The following ZRSR2 variants were observed in gnomAD, a reference collection of about 807,000 sequenced individuals.
ZRSR2 encodes the protein zinc finger CCCH-type, RNA binding motif and serine/arginine rich 2, also known as U2 small nuclear ribonucleoprotein auxiliary factor 35 kDa subunit-related protein 2.
A neutral mutation model predicts 39.4 loss-of-function variants in ZRSR2; 3 were observed. That is an observed-to-expected ratio of 0.08 (90% CI 0.03 to 0.20). The LOEUF (loss-of-function observed/expected upper bound fraction) is 0.20, where lower values mean the gene tolerates loss of function less well. Among genes scored for constraint, ZRSR2 ranks in the 10% least tolerant of loss-of-function variants. ZRSR2 has a pLI of 1.00. For synonymous variants in ZRSR2, 137 were observed against 136.0 expected (o/e 1.01, Z -0.05); for missense variants, 256 against 391.5 (o/e 0.65, Z 2.92).
intron 5 of ZRSR2, among the ~76,000 whole-genome samples, chrX:15,806,487 C>T (rs922758818): frequency 2.7e-5 from 3 of 111,170 alleles, no homozygotes; most frequent in South Asian, 3.8e-4. Context: ...AGTGCAGTGG[C>T]GTGATCTCTG....
At chrX:15,813,114 G>T (rs751452486) in intron 7 of ZRSR2, among the ~76,000 whole-genome samples, 6 of 112,178 alleles carry the variant, frequency 5.3e-5, no homozygotes, top group Non-Finnish European at 9.4e-5. Context: ...GCACTTCCCT[G>T]AGAAGAAGAA....
At chrX:15,816,452 T>C (rs1028082419) in intron 8 of ZRSR2, among the ~76,000 whole-genome samples, 3 of 112,283 alleles carry the variant, frequency 2.7e-5, no homozygotes, top group Admixed American at 1.9e-4. Context: ...TTTTTATTCA[T>C]TGGATTCTTT....
At chrX:15,818,535 G>T in intron 8 of ZRSR2, 52 bp from the exon 9 acceptor site, 4 of 1,068,344 alleles carry the variant, frequency 3.7e-6, no homozygotes, top group Non-Finnish European at 5.2e-6. Context: ...TTGATGAATG[G>T]CTGGTTTCTT....
At chrX:15,806,673 C>T (rs768338899) in intron 5 of ZRSR2, among the ~76,000 whole-genome samples, 7 of 108,862 alleles carry the variant, frequency 6.4e-5, no homozygotes, top group African/African-American at 2.0e-4. Flanking sequence ...GGGATCCACC[C>T]GCCTCGGCCT....
At position 15,823,132 on chromosome X, in the gene ZRSR2, A is replaced by AGCCGCAGGAGCC; in HGVS notation, c.1347_1358dup (p.Arg449_Arg452dup). On this transcript the variant is annotated inframe_insertion, in exon 11 of 11. Transcript: ENST00000307771. ...CAGCCGGAGCCGGAGCCGGAGCCGG[A>AGCCGCAGGAGCC]GCCGCAGGAGCCGCCGCAGCCGGAG... 5 of 1,205,383 alleles carry AGCCGCAGGAGCC rather than the reference A, an allele frequency of 4.1e-6. No individual in the cohort carries two copies. The highest frequency in any genetic ancestry group is 5.6e-6 in the Non-Finnish European group (5 of 892,781).
Position 15,823,117 on chromosome X carries a change from C to T in ZRSR2, c.1324C>T (p.Arg442Trp), listed in dbSNP as rs746842789. The change falls in exon 11 of 11, where the codon CGG becomes TGG. Residue 442 changes from arginine (R) to tryptophan (W), a missense_variant. Physicochemically the swap from Arg to Trp is moderately radical, Grantham distance 101 (BLOSUM62 -3). Around this residue, in one of 3 missense-constraint regions of ZRSR2, gnomAD observed 111 missense variants for 116.7 expected, o/e 0.95. Transcript: ENST00000307771. ...DRSRGRGSRSRSRSRSRRSRR... is the reference protein window; with the variant it reads ...DRSRGRGSRSWSRSRSRRSRR... ...CAGCCGGGGCCGGGGCAGCCGGAGC[C>T]GGAGCCGGAGCCGGAGCCGCAGGAG... is the stretch of plus-strand genomic sequence containing the variant. 5.8e-6 allele frequency: 7 copies of T among 1,202,654 alleles called. No individual in the cohort carries two copies. The South Asian group carries it at 7.1e-5, about 12-fold the overall frequency.
intron 2 of ZRSR2, among the ~76,000 whole-genome samples, chrX:15,792,204 C>T (rs1191827563): frequency 8.9e-6 from 1 of 112,051 alleles, no homozygotes; most frequent in African/African-American, 3.2e-5. Flanking sequence ...AGATGGATCA[C>T]CTGAGGTCAG....
chrX:15,794,373 A>T (rs1932380269), intron 2 of ZRSR2, among the ~76,000 whole-genome samples: 2 of 109,030 alleles, frequency 1.8e-5, no homozygotes, highest in East Asian at 2.9e-4. Context: ...ATAACTTTTC[A>T]CTCCCCCAAA....
intron 2 of ZRSR2, among the ~76,000 whole-genome samples, chrX:15,792,171 C>G (rs746874223): frequency 3.0e-4 from 34 of 111,736 alleles, no homozygotes; most frequent in Non-Finnish European, 4.9e-4. Flanking sequence ...GCCTGAAATC[C>G]CAGCACTTTG....
At chrX:15,803,229 C>T (rs1209627672) in intron 3 of ZRSR2, among the ~76,000 whole-genome samples, 2 of 110,453 alleles carry the variant, frequency 1.8e-5, no homozygotes, top group Admixed American at 1.9e-4. Context: ...TGCCACTGCA[C>T]TCCAGCCTGG....
intron 3 of ZRSR2, among the ~76,000 whole-genome samples, chrX:15,803,088 C>T (rs929429968): frequency 7.3e-5 from 8 of 108,850 alleles, no homozygotes; most frequent in South Asian, 4.1e-4. Flanking sequence ...CATGATGAAA[C>T]GCTGTCTGTA....
Position 15,809,335 on chromosome X carries a change from T to A in ZRSR2, c.557+17T>A. 9.0e-7 allele frequency: 1 copy of A among 1,112,693 alleles called. No homozygotes were observed. Among genetic ancestry groups the A allele is most frequent in the South Asian group, 1.9e-5 (1 of 53,747 alleles). 91.7% of individuals were successfully genotyped at this position (1,112,693 alleles called of 1,213,427 possible). ...TGGAGATAGGTAACTAATTTTGTTT[T>A]ATCATGTCAGAATGAAGTGATTCAA... On this transcript the variant is annotated intron_variant, in intron 7 of 10. Coordinates refer to ENST00000307771, the MANE Select transcript of ZRSR2 (RefSeq NM_005089.4).
rs747942308 is a variant in ZRSR2 at position 15,790,694 on chromosome X, C to G, written c.41+158C>G. ...CGCTCTGGTGCCCTCCCCGGACTTG[C>G]ACGGGCGGCTGTGGCTCAGGCAAGC... On this transcript the variant is annotated intron_variant, in intron 1 of 10. Transcript: ENST00000307771. 2.7e-5 allele frequency among the ~76,000 whole-genome samples: 3 copies of G among 112,103 alleles called. No individual in the cohort carries two copies. In the East Asian group the frequency reaches 8.4e-4, roughly 31 times the overall value.
intron 8 of ZRSR2, among the ~76,000 whole-genome samples, chrX:15,816,993 A>G (rs1932990536): frequency 8.9e-6 from 1 of 111,897 alleles, no homozygotes; most frequent in Non-Finnish European, 1.9e-5. Context: ...ATACCATGTT[A>G]GAAGCACTGG....
At chrX:15,813,348 C>T (rs1284705265) in intron 7 of ZRSR2, among the ~76,000 whole-genome samples, 1 of 112,077 alleles carries the variant, frequency 8.9e-6, no homozygotes, top group Non-Finnish European at 1.9e-5. Context: ...ATGGGTCCCC[C>T]ACCCCTTGAG....
At chrX:15,820,346 C>T in intron 10 of ZRSR2, 30 bp downstream of exon 10, 1 of 1,139,864 alleles carries the variant, frequency 8.8e-7, no homozygotes, top group South Asian at 1.8e-5. Context: ...TTTTTTTCCT[C>T]AATTGTTCCA....
At chrX:15,803,398 G>A (rs897306916) in intron 3 of ZRSR2, among the ~76,000 whole-genome samples, 1 of 111,737 alleles carries the variant, frequency 8.9e-6, no homozygotes, top group African/African-American at 3.3e-5. Context: ...CAGTCTAGAG[G>A]GAAAGTCATA....
intron 7 of ZRSR2, among the ~76,000 whole-genome samples, chrX:15,813,500 A>C (rs1212642467): frequency 8.9e-6 from 1 of 112,095 alleles, no homozygotes; most frequent in East Asian, 2.8e-4. Context: ...AATAAAAGCT[A>C]TAGGGCTGGC....
chrX:15,805,307 A>C (rs1932768987), intron 5 of ZRSR2, among the ~76,000 whole-genome samples: 1 of 111,829 alleles, frequency 8.9e-6, no homozygotes, highest in Non-Finnish European at 1.9e-5. Context: ...TTTTTTATAG[A>C]GAGGAATTAA....
Sources: gnomAD v4.1 joint callset for allele counts (sites outside exome capture counted in the v4.1 genomes callset) on GRCh38, gnomAD v4.1.1 for gene constraint, gnomAD v4.1.1 regional missense constraint, MANE v1.5 for transcripts, NCBI Gene and HGNC (gene_info 2026-07-23, HGNC 2026-07-21) for gene names.